TMEM132B: variants seen among roughly 807,000 people sequenced by gnomAD.
TMEM132B encodes transmembrane protein 132B.
In TMEM132B, 18 loss-of-function variants were observed where a neutral mutation model predicts 90.8. The ratio of observed to expected loss-of-function variants is 0.20; its 90% confidence interval spans 0.14 to 0.29. The LOEUF (loss-of-function observed/expected upper bound fraction) is 0.29. Among genes scored for constraint, TMEM132B ranks in the 10% least tolerant of loss-of-function variants. The pLI is 1.00. For missense variants in TMEM132B, 1,096 were observed against 1,326.8 expected (o/e 0.83, Z 2.70); for synonymous variants, 504 against 523.3 (o/e 0.96, Z 0.50).
At chr12:125,591,007 G>A (rs575071122) in intron 5 of TMEM132B, among the ~76,000 whole-genome samples, 26 of 151,828 alleles carry the variant, frequency 1.7e-4, no homozygotes, top group Non-Finnish European at 2.2e-4. Flanking sequence ...TTGTGTGTAC[G>A]CATGCACGCC....
chr12:125,525,794 T>G (rs761041708), intron 4 of TMEM132B, among the ~76,000 whole-genome samples: 2 of 152,240 alleles, frequency 1.3e-5, no homozygotes, highest in East Asian at 1.9e-4. Context: ...CTTTGCCCAC[T>G]GAGTGGCCAC....
intron 1 of TMEM132B, among the ~76,000 whole-genome samples, chr12:125,328,584 A>G (rs577197620): frequency 6.6e-6 from 1 of 151,732 alleles, no homozygotes; most frequent in African/African-American, 2.4e-5. Flanking sequence ...TGGCCCCATC[A>G]CTCCAGTCTC....
At chr12:125,502,686 T>C (rs1484477875) in intron 3 of TMEM132B, among the ~76,000 whole-genome samples, 1 of 152,232 alleles carries the variant, frequency 6.6e-6, no homozygotes. Context: ...TTTATTTGCG[T>C]GTTAACTGTT....
rs935393929 is a variant in TMEM132B, at chr12:125,246,594, G to A, written c.67+59728G>A. 6.6e-6 allele frequency among the ~76,000 whole-genome samples: 1 copy of A among 152,202 alleles called. No individual in the cohort carries two copies. The highest frequency in any genetic ancestry group is 2.4e-5 in the African/African-American group (1 of 41,448). On this transcript the variant is annotated intron_variant, in intron 1 of 8. Transcript: ENST00000682704. This position sits in a 1 kb window ranked among gnomAD's most constrained non-coding sequence, Gnocchi z 4.2. ...CACAACATGCGAGACTTCAGGACAA[G>A]TTCAGCGTCTCCAGCACACACAGTG...
chr12:125,593,282 C>T (rs1233428651), intron 5 of TMEM132B, among the ~76,000 whole-genome samples: 1 of 152,192 alleles, frequency 6.6e-6, no homozygotes, highest in African/African-American at 2.4e-5. Flanking sequence ...ACCTTTTGTT[C>T]CTGTCAGCCT....
intron 5 of TMEM132B, among the ~76,000 whole-genome samples, chr12:125,591,541 A>T (rs2136894955): frequency 6.6e-6 from 1 of 152,302 alleles, no homozygotes; most frequent in South Asian, 2.1e-4. Context: ...GACATCTGTG[A>T]TGTCCTTTTG....
At chr12:125,307,788 G>GTATGTATATACT (rs1876020337) in intron 1 of TMEM132B, among the ~76,000 whole-genome samples, 2 of 81,892 alleles carry the variant, frequency 2.4e-5, no homozygotes, top group African/African-American at 1.0e-4. Context: ...TATAATACAA[G>GTATGTATATACT]TATATTACAA....
intron 3 of TMEM132B, among the ~76,000 whole-genome samples, chr12:125,441,570 A>G (rs1314353213): frequency 6.6e-6 from 1 of 152,190 alleles, no homozygotes; most frequent in African/African-American, 2.4e-5. Flanking sequence ...CTCACTTTGA[A>G]GTTATCTGCT....
In TMEM132B at chr12:125,491,106, C is replaced by T. The variant is rs1348350496; in HGVS notation, c.1107-28333C>T. Among the ~76,000 whole-genome samples the T allele has an allele frequency of 5.3e-5, 8 of 152,224 alleles. No homozygotes were observed. In the South Asian group the frequency reaches 1.5e-3, roughly 28 times the overall value. On this transcript the variant is annotated intron_variant, in intron 3 of 8. Coordinates refer to ENST00000682704, the MANE Select transcript of TMEM132B (RefSeq NM_001366854.1). ...ACTGCAACTTCATGAAAGACCTGAA[C>T]GAGAACCTCTCGGTTAAGCTGCTCC...
At chr12:125,566,832 CTTCTTTTT>C (rs147001121) in intron 4 of TMEM132B, among the ~76,000 whole-genome samples, 2 of 114,620 alleles carry the variant, frequency 1.7e-5, no homozygotes, top group Non-Finnish European at 3.4e-5. Flanking sequence ...TCCTCTTCTT[CTTCTTTTT>C]TTTTTTTTTT....
At chr12:125,389,906 C>T (rs563504068) in intron 2 of TMEM132B, among the ~76,000 whole-genome samples, 71 of 152,208 alleles carry the variant, frequency 4.7e-4, no homozygotes, top group African/African-American at 1.7e-3. Context: ...AGACATATAC[C>T]CACAGACAGT....
chr12:125,400,399 T>A (rs1879286133), intron 2 of TMEM132B, among the ~76,000 whole-genome samples: 1 of 152,210 alleles, frequency 6.6e-6, no homozygotes, highest in African/African-American at 2.4e-5. Flanking sequence ...AGTTTCATGA[T>A]TTCCAGTACT....
intron 2 of TMEM132B, among the ~76,000 whole-genome samples, chr12:125,362,842 C>T (rs987728530): frequency 6.6e-6 from 1 of 152,222 alleles, no homozygotes; most frequent in African/African-American, 2.4e-5. Flanking sequence ...ATGCTGACAA[C>T]CCCCTTCCAG....
At chr12:125,576,080 T>C (rs1884934557) in intron 4 of TMEM132B, among the ~76,000 whole-genome samples, 1 of 152,116 alleles carries the variant, frequency 6.6e-6, no homozygotes, top group Admixed American at 6.5e-5. Context: ...TGTTGACATC[T>C]TAACAATATT....
At chr12:125,484,706 C>T (rs1407038697) in intron 3 of TMEM132B, among the ~76,000 whole-genome samples, 1 of 152,110 alleles carries the variant, frequency 6.6e-6, no homozygotes, top group Non-Finnish European at 1.5e-5. Flanking sequence ...TCATAGCTCA[C>T]TGCAGCCTTG....
intron 1 of TMEM132B, among the ~76,000 whole-genome samples, chr12:125,220,382 C>T (rs747958823): frequency 1.3e-5 from 2 of 152,174 alleles, no homozygotes; most frequent in African/African-American, 4.8e-5. Flanking sequence ...GTAACAAAGT[C>T]TACGGGATTT....
chr12:125,568,628 A>G (rs551491079), intron 4 of TMEM132B, among the ~76,000 whole-genome samples: 6 of 152,332 alleles, frequency 3.9e-5, no homozygotes, highest in African/African-American at 1.2e-4. Context: ...CAAGTGTCGC[A>G]TACCTTTCTT....
intron 4 of TMEM132B, among the ~76,000 whole-genome samples, chr12:125,563,175 TAATAATAATAATA>T (rs1392624189): frequency 6.7e-6 from 1 of 148,822 alleles, no homozygotes; most frequent in Non-Finnish European, 1.5e-5. Flanking sequence ...ATAATAATAA[TAATAATAATAATA>T]AAAGTTTGAA....
intron 4 of TMEM132B, among the ~76,000 whole-genome samples, chr12:125,531,096 G>A (rs1366368316): frequency 1.3e-5 from 2 of 152,244 alleles, no homozygotes; most frequent in African/African-American, 4.8e-5. Flanking sequence ...ACTCAGTCGT[G>A]TTGACTGGAC....
Sources: gnomAD v4.1 joint callset for allele counts (sites outside exome capture counted in the v4.1 genomes callset) on GRCh38, gnomAD v4.1.1 for gene constraint, Gnocchi (gnomAD v3.1) non-coding constraint, MANE v1.5 for transcripts, NCBI Gene and HGNC (gene_info 2026-07-23, HGNC 2026-07-21) for gene names.